The following SOD1 variants were observed in gnomAD, a reference collection of about 807,000 sequenced individuals.
The protein encoded by SOD1 is superoxide dismutase 1, also known as superoxide dismutase [Cu-Zn].
Under a neutral mutation model 15.9 loss-of-function variants are expected in SOD1, and 8 were observed. The ratio of observed to expected loss-of-function variants is 0.50; its 90% confidence interval spans 0.30 to 0.91. The LOEUF is 0.91. Among genes scored for constraint, SOD1 ranks in the 40% least tolerant of loss-of-function variants. SOD1 has a pLI of 0.07. For synonymous variants in SOD1, 86 were observed against 71.2 expected (o/e 1.21, Z -1.04); for missense variants, 137 against 194.5 (o/e 0.70, Z 1.76).
chr21:31,668,854 T>C lies in SOD1; in HGVS notation c.*276T>C. ...GGTATTAAACTTGTCAGAATTTCTT[T>C]GTCATTCAAGCCTGTGAATAAAAAC... On this transcript the variant is annotated 3_prime_UTR_variant, in exon 5 of 5. Coordinates refer to ENST00000270142, the MANE Select transcript of SOD1 (RefSeq NM_000454.5). 2.4e-6 allele frequency: 1 copy of C among 408,822 alleles called. No homozygotes were observed. The highest frequency in any genetic ancestry group is 2.4e-5 in the South Asian group (1 of 40,974). 25.3% of individuals were successfully genotyped at this position (408,822 alleles called of 1,614,324 possible).
intron 2 of SOD1, among the ~76,000 whole-genome samples, chr21:31,665,898 C>CA (rs1425600590): frequency 2.6e-5 from 4 of 151,332 alleles, no homozygotes; most frequent in Non-Finnish European, 5.9e-5. Flanking sequence ...CTTATTTTTA[C>CA]AGTGAAGAAG....
intron 1 of SOD1, chr21:31,660,146 C>T: frequency 6.3e-6 from 1 of 158,420 alleles, no homozygotes; most frequent in South Asian, 1.9e-4. Flanking sequence ...GCGTGCTGCC[C>T]TCTGTGGTCC....
At chr21:31,663,929 A>G (rs2049570810) in intron 2 of SOD1, 43 bp downstream of exon 2, 2 of 1,439,092 alleles carry the variant, frequency 1.4e-6, no homozygotes, top group Non-Finnish European at 9.8e-7. Context: ...TGTTCACCCT[A>G]GTTAGATAAA....
At chr21:31,665,563 T>C (rs190740308) in intron 2 of SOD1, among the ~76,000 whole-genome samples, 5 of 152,292 alleles carry the variant, frequency 3.3e-5, no homozygotes, top group Admixed American at 3.3e-4. Context: ...AGAGCGTGGC[T>C]GAAGACAGCC....
chr21:31,666,174 A>G (rs1030504914), intron 2 of SOD1, among the ~76,000 whole-genome samples: 3 of 152,034 alleles, frequency 2.0e-5, no homozygotes, highest in African/African-American at 7.2e-5. Flanking sequence ...GGGTTTTGCT[A>G]TGCTGGCCAG....
chr21:31,666,541 T>C, intron 3 of SOD1, 23 bp downstream of exon 3: 4 of 1,539,868 alleles, frequency 2.6e-6, no homozygotes, highest in Non-Finnish European at 3.6e-6. Context: ...TTAACTCTTG[T>C]AATAATGGCG....
chr21:31,667,453 G>C lies in SOD1; in HGVS notation c.357+78G>C, dbSNP rs775561326. On this transcript the variant is annotated intron_variant, in intron 4 of 4. Coordinates refer to ENST00000270142, the MANE Select transcript of SOD1 (RefSeq NM_000454.5). ...TATCTTTTCACTTTGATTGTTAGTC[G>C]CGGTTTCTAAAGATCCAGATAAACT... 4.6e-6 allele frequency: 5 copies of C among 1,087,584 alleles called. No homozygotes were observed. The African/African-American group carries it at 4.7e-5, about 10-fold the overall frequency. The allele number at this position is 1,087,584 out of a possible 1,614,324, so 67.4% of individuals were successfully genotyped here.
intron 2 of SOD1, among the ~76,000 whole-genome samples, chr21:31,664,144 G>A (rs757778694): frequency 6.6e-6 from 1 of 151,942 alleles, no homozygotes; most frequent in Non-Finnish European, 1.5e-5. Flanking sequence ...GCTAATTTTT[G>A]TATTTTTTTC....
intron 2 of SOD1, among the ~76,000 whole-genome samples, chr21:31,665,593 T>C (rs563176666): frequency 1.3e-5 from 2 of 152,344 alleles, no homozygotes; most frequent in South Asian, 4.1e-4. Context: ...AAGGGCCTCC[T>C]GTGCTGTCGA....
Position 31,668,591 on chromosome 21 carries a change from A to C in SOD1, c.*13A>C. On this transcript the variant is annotated 3_prime_UTR_variant, in exon 5 of 5. Coordinates refer to ENST00000270142, the MANE Select transcript of SOD1 (RefSeq NM_000454.5). ...GATCGCCCAATAAACATTCCCTTGG[A>C]TGTAGTCTGAGGCCCCTTAACTCAT... 1 of 1,589,538 alleles carries C rather than the reference A, an allele frequency of 6.3e-7. No homozygotes were observed. Among genetic ancestry groups the C allele is most frequent in the Non-Finnish European group, 8.6e-7 (1 of 1,157,450 alleles).
rs908467270 is a variant in SOD1, at chr21:31,667,086, C to T, written c.240-172C>T. 10 of 653,278 alleles carry T rather than the reference C, an allele frequency of 1.5e-5. No individual in the cohort carries two copies. In the South Asian group the frequency reaches 1.7e-4, roughly 11 times the overall value. 40.5% of individuals were successfully genotyped at this position (653,278 alleles called of 1,614,324 possible). A position where few individuals can be genotyped will look rare whatever the true frequency, so the allele number is the denominator to read the frequency against. On this transcript the variant is annotated intron_variant, in intron 3 of 4. Coordinates refer to ENST00000270142, the MANE Select transcript of SOD1 (RefSeq NM_000454.5). The stretch of plus-strand genomic sequence containing the variant: ...AATCAGGTGCAGCCCCATCTTTCTT[C>T]CCAGAGCATTAGTGTGTAGACGTGA...
chr21:31,663,457 C>G (rs1389456634), intron 1 of SOD1, among the ~76,000 whole-genome samples: 1 of 152,138 alleles, frequency 6.6e-6, no homozygotes, highest in Non-Finnish European at 1.5e-5. Context: ...ATAGTCAAAG[C>G]CTATGAAGTA....
intron 3 of SOD1, 79 bp downstream of exon 3, chr21:31,666,597 T>A: frequency 9.3e-7 from 1 of 1,073,008 alleles, no homozygotes; most frequent in Middle Eastern, 2.2e-4. Context: ...AAATATGTGC[T>A]AAGATAATTC....
At chr21:31,663,921 T>G in intron 2 of SOD1, 35 bp downstream of exon 2, 7 of 1,468,508 alleles carry the variant, frequency 4.8e-6, no homozygotes, top group South Asian at 1.1e-5. Context: ...CCCATACTTG[T>G]TCACCCTAGT....
At chr21:31,661,726 T>C (rs1300292955) in intron 1 of SOD1, 1 of 152,360 alleles carries the variant, frequency 6.6e-6, no homozygotes, top group African/African-American at 2.4e-5. Context: ...AATCCATGCA[T>C]GAACCCAGGT....
intron 3 of SOD1, 60 bp downstream of exon 3, chr21:31,666,578 A>T: frequency 8.3e-7 from 1 of 1,206,162 alleles, no homozygotes; most frequent in Non-Finnish European, 1.2e-6. Flanking sequence ...CATATGGTAT[A>T]CTACTTGTAA....
intron 2 of SOD1, chr21:31,664,339 C>A (rs2049575168): frequency 4.2e-6 from 1 of 240,522 alleles, no homozygotes; most frequent in Non-Finnish European, 8.5e-6. Context: ...GCTAAAATTG[C>A]AGGAACTGGG....
intron 4 of SOD1, 28 bp downstream of exon 4, chr21:31,667,403 A>C: frequency 7.0e-7 from 1 of 1,434,746 alleles, no homozygotes; most frequent in Non-Finnish European, 9.8e-7. Flanking sequence ...GATATGCATA[A>C]AACTTCTTCT....
chr21:31,663,909 G>GA, intron 2 of SOD1, 23 bp downstream of exon 2: 2 of 1,555,846 alleles, frequency 1.3e-6, no homozygotes, highest in Non-Finnish European at 8.9e-7. Flanking sequence ...CTGTGCTGGT[G>GA]ACCCATACTT....
Sources: gnomAD v4.1 joint callset for allele counts (sites outside exome capture counted in the v4.1 genomes callset) on GRCh38, gnomAD v4.1.1 for gene constraint, MANE v1.5 for transcripts, NCBI Gene and HGNC (gene_info 2026-07-23, HGNC 2026-07-21) for gene names.